The following MAGI2 variants were observed in gnomAD, a reference collection of about 807,000 sequenced individuals.
MAGI2 encodes the protein membrane associated guanylate kinase, WW and PDZ domain containing 2, also known as membrane-associated guanylate kinase, WW and PDZ domain-containing protein 2.
MAGI2 carries 35 observed loss-of-function variants against 133.3 expected under a neutral mutation model. That is an observed-to-expected ratio of 0.26 (90% CI 0.20 to 0.35). The LOEUF (loss-of-function observed/expected upper bound fraction) is 0.35. Among genes scored for constraint, MAGI2 ranks in the 10% least tolerant of loss-of-function variants. MAGI2 has a pLI of 1.00. For synonymous variants in MAGI2, 729 were observed against 710.6 expected, an observed-to-expected ratio of 1.03 and a Z score of -0.41; for missense variants, 1,636 against 1,863.4, an observed-to-expected ratio of 0.88 and a Z score of 2.25.
At chr7:79,128,297 C>G (rs1017635944) in intron 1 of MAGI2, among the ~76,000 whole-genome samples, 6 of 151,962 alleles carry the variant, frequency 3.9e-5, no homozygotes, top group African/African-American at 1.5e-4. Context: ...TCTTCCTTAC[C>G]AGACATGTCA....
At chr7:79,171,770 A>ATATTTTTTTTTTTTTT in intron 1 of MAGI2, among the ~76,000 whole-genome samples, 11 of 31,224 alleles carry the variant, frequency 3.5e-4, no homozygotes, top group Non-Finnish European at 8.9e-4. Context: ...ATATATATAT[A>ATATTTTTTTTTTTTTT]TTTTTTTTTT....
intron 2 of MAGI2, among the ~76,000 whole-genome samples, chr7:78,829,695 C>T (rs1214956109): frequency 6.6e-6 from 1 of 152,006 alleles, no homozygotes; most frequent in Non-Finnish European, 1.5e-5. Flanking sequence ...GAGCATCAAC[C>T]ATCATGATTG....
chr7:79,329,343 G>C (rs765333342), intron 1 of MAGI2, among the ~76,000 whole-genome samples: 34 of 152,174 alleles, frequency 2.2e-4, no homozygotes, highest in Non-Finnish European at 4.3e-4. Flanking sequence ...GATAAACATT[G>C]TAACACGTAA....
chr7:79,160,312 C>G (rs1008945754), intron 1 of MAGI2, among the ~76,000 whole-genome samples: 4 of 151,722 alleles, frequency 2.6e-5, no homozygotes, highest in African/African-American at 9.7e-5. Flanking sequence ...AAAAATCATA[C>G]AGATAAAACA....
At position 78,882,068 on chromosome 7, in the gene MAGI2, TAACAACAAC is replaced by T. The variant is rs767269169; in HGVS notation, c.418+125013_418+125021del. The stretch of plus-strand genomic sequence containing the variant: ...AAGACTGACAGACCTCTAGCTAGAT[TAACAACAAC>T]AACAACAACAAAAAAAAAAAAAAAA... On this transcript the variant is annotated intron_variant, in intron 2 of 21. Coordinates refer to ENST00000354212, the MANE Select transcript of MAGI2 (RefSeq NM_012301.4). Among the ~76,000 whole-genome samples the T allele has an allele frequency of 2.1e-3, 62 of 29,746 alleles. 6 individuals are homozygous for T. Among genetic ancestry groups the T allele is most frequent in the South Asian group, 4.9e-3 (3 of 608 alleles). The allele number at this position is 29,746 out of a possible 152,430, so 19.5% of individuals were successfully genotyped here.
chr7:78,963,116 TA>T lies in MAGI2; in HGVS notation c.418+43973del, dbSNP rs577444318. On this transcript the variant is annotated intron_variant, in intron 2 of 21. Transcript: ENST00000354212. ...TGAGTTATGGATTATTCACCTACTT[TA>T]AAAAAAACAATTTTACTTGAACATG... is the stretch of plus-strand genomic sequence containing the variant. Among the ~76,000 whole-genome samples, 10 of 151,966 alleles carry T rather than the reference TA, an allele frequency of 6.6e-5. No homozygotes were observed. In the South Asian group the frequency reaches 1.7e-3, roughly 25 times the overall value.
At chr7:79,411,194 G>C (rs1236659364) in intron 1 of MAGI2, 2 of 152,056 alleles carry the variant, frequency 1.3e-5, no homozygotes, top group Non-Finnish European at 2.9e-5. Flanking sequence ...TAACCTTCTT[G>C]AGCTTTGTGG....
Position 78,155,388 on chromosome 7 carries a change from C to T in MAGI2, c.2845+4637G>A, listed in dbSNP as rs1325613898. On this transcript the variant is annotated intron_variant, in intron 16 of 21. Transcript: ENST00000354212. ...AAGCACTTTGGGAGGCCAAGGTGGA[C>T]AGATCACTTGAGCCCAGGAGTTTGA... is the stretch of plus-strand genomic sequence containing the variant. 2.0e-5 allele frequency among the ~76,000 whole-genome samples: 3 copies of T among 152,114 alleles called. No homozygotes were observed. The East Asian group carries it at 5.8e-4, about 29-fold the overall frequency.
intron 2 of MAGI2, among the ~76,000 whole-genome samples, chr7:78,670,647 C>T (rs1246098576): frequency 6.6e-6 from 1 of 152,158 alleles, no homozygotes; most frequent in Non-Finnish European, 1.5e-5. Flanking sequence ...AAGCCGGAGG[C>T]ATCACGCTAC....
At chr7:78,412,864 TTGA>T in intron 6 of MAGI2, among the ~76,000 whole-genome samples, 1 of 152,230 alleles carries the variant, frequency 6.6e-6, no homozygotes, top group East Asian at 1.9e-4. Flanking sequence ...TATGTTTCTC[TTGA>T]TGATTTATAA....
At chr7:78,936,726 T>C (rs1285223700) in intron 2 of MAGI2, among the ~76,000 whole-genome samples, 1 of 151,998 alleles carries the variant, frequency 6.6e-6, no homozygotes. Flanking sequence ...GTAAATATAG[T>C]GTGTATAAGT....
intron 4 of MAGI2, among the ~76,000 whole-genome samples, chr7:78,515,382 A>T (rs186238978): frequency 1.3e-5 from 2 of 152,242 alleles, no homozygotes; most frequent in East Asian, 3.9e-4. Flanking sequence ...CAACTTTTGA[A>T]GGAATATAGG....
intron 10 of MAGI2, among the ~76,000 whole-genome samples, chr7:78,230,200 T>C (rs1336833286): frequency 1.3e-5 from 2 of 152,240 alleles, no homozygotes; most frequent in South Asian, 2.1e-4. Flanking sequence ...TCGAGGGCAC[T>C]GTTTTGAATT....
At chr7:79,375,425 G>A (rs1843319520) in intron 1 of MAGI2, among the ~76,000 whole-genome samples, 1 of 151,908 alleles carries the variant, frequency 6.6e-6, no homozygotes, top group Admixed American at 6.6e-5. Context: ...TTCCTACTGT[G>A]CATATAGTTA....
chr7:79,271,134 T>A (rs1444628096), intron 1 of MAGI2, among the ~76,000 whole-genome samples: 1 of 152,074 alleles, frequency 6.6e-6, no homozygotes, highest in Non-Finnish European at 1.5e-5. Context: ...AGTTGCAATT[T>A]TCTTCCTAGG....
At chr7:78,621,782 C>T (rs1807771606) in intron 3 of MAGI2, among the ~76,000 whole-genome samples, 2 of 152,016 alleles carry the variant, frequency 1.3e-5, no homozygotes, top group Non-Finnish European at 2.9e-5. Context: ...GGCAGGACTA[C>T]AAATCAGGAC....
chr7:78,340,791 T>C (rs1378512028), intron 9 of MAGI2, among the ~76,000 whole-genome samples: 1 of 152,172 alleles, frequency 6.6e-6, no homozygotes, highest in African/African-American at 2.4e-5. Flanking sequence ...AAACTAGGTA[T>C]TGATGGAACA....
intron 2 of MAGI2, among the ~76,000 whole-genome samples, chr7:78,711,329 T>A (rs150973583): frequency 2.0e-4 from 31 of 152,170 alleles, no homozygotes; most frequent in Middle Eastern, 3.4e-3. Context: ...TAAGGTAACA[T>A]TAGAAATATG....
chr7:79,309,701 T>C (rs1838088117), intron 1 of MAGI2, among the ~76,000 whole-genome samples: 2 of 151,912 alleles, frequency 1.3e-5, no homozygotes, highest in South Asian at 2.1e-4. Flanking sequence ...ATTCAACTTA[T>C]CAGATCTTTC....
Sources: gnomAD v4.1 joint callset for allele counts (sites outside exome capture counted in the v4.1 genomes callset) on GRCh38, gnomAD v4.1.1 for gene constraint, MANE v1.5 for transcripts, NCBI Gene and HGNC (gene_info 2026-07-23, HGNC 2026-07-21) for gene names.